The following NCK2 variants were observed in gnomAD, a reference collection of about 807,000 sequenced individuals.
NCK2 encodes the protein NCK adaptor protein 2.
NCK2 carries 16 observed loss-of-function variants against 33.9 expected under a neutral mutation model. The observed-to-expected ratio is 0.47, with a 90% CI of 0.32 to 0.72. The LOEUF (loss-of-function observed/expected upper bound fraction) is 0.72. Among genes scored for constraint, NCK2 ranks in the 30% least tolerant of loss-of-function variants. The probability of loss-of-function intolerance (pLI) is 0.03; values close to 1 mark genes in which losing one functional copy is unlikely to be tolerated. For synonymous variants in NCK2, 273 were observed against 239.9 expected (o/e 1.14, Z -1.27); for missense variants, 418 against 537.3 (o/e 0.78, Z 2.19).
Position 105,881,928 on chromosome 2 carries a change from C to A in NCK2, c.827C>A (p.Ser276Tyr). 1 of 1,561,756 alleles carries A rather than the reference C, an allele frequency of 6.4e-7. No individual in the cohort carries two copies. Among genetic ancestry groups the A allele is most frequent in the Non-Finnish European group, 8.7e-7 (1 of 1,154,974 alleles). The stretch of plus-strand genomic sequence containing the variant: ...CAGATAAGCTACACCGGGCCCTCGT[C>A]CAGCGGGCGCTTCGCGGGCAGAGAG... ...APQISYTGPS[S>Y]SGRFAGREWY... is the part of the protein sequence containing the mutation. The change falls in exon 4 of 5, where the codon TCC becomes TAC. Residue 276 changes from serine (S) to tyrosine (Y), a missense_variant. By Grantham distance (144) the Ser-to-Tyr change is moderately radical. Coordinates refer to ENST00000233154, the MANE Select transcript of NCK2 (RefSeq NM_003581.5).
intron 1 of NCK2, among the ~76,000 whole-genome samples, chr2:105,788,430 G>A (rs566330620): frequency 1.3e-5 from 2 of 152,156 alleles, no homozygotes; most frequent in African/African-American, 4.8e-5. Context: ...CCTCTGGTTT[G>A]TATATTTATA....
intron 3 of NCK2, among the ~76,000 whole-genome samples, chr2:105,878,438 C>T (rs1421158332): frequency 6.6e-6 from 1 of 152,120 alleles, no homozygotes; most frequent in Non-Finnish European, 1.5e-5. Flanking sequence ...GAGATTGGAA[C>T]ACAAAGAAAA....
chr2:105,868,136 T>C (rs1677835703), intron 3 of NCK2, among the ~76,000 whole-genome samples: 1 of 152,228 alleles, frequency 6.6e-6, no homozygotes, highest in South Asian at 2.1e-4. Context: ...ACGTGCTGCC[T>C]TGGTGTAACC....
At chr2:105,844,736 G>A (rs1676786528) in intron 2 of NCK2, among the ~76,000 whole-genome samples, 1 of 91,074 alleles carries the variant, frequency 1.1e-5, no homozygotes, top group African/African-American at 4.6e-5. Context: ...CTCTGTCTTG[G>A]GGCGGGGGGG....
intron 1 of NCK2, among the ~76,000 whole-genome samples, chr2:105,752,734 C>T (rs1466961357): frequency 6.6e-6 from 1 of 152,204 alleles, no homozygotes; most frequent in Non-Finnish European, 1.5e-5. Context: ...TGGATAATGG[C>T]CTCCAGTTCC....
chr2:105,865,539 C>T (rs922081968), intron 3 of NCK2, among the ~76,000 whole-genome samples: 1 of 152,168 alleles, frequency 6.6e-6, no homozygotes, highest in African/African-American at 2.4e-5. Context: ...ATTTGCTGCC[C>T]TTGCGCTAGC....
At chr2:105,862,302 C>A (rs117933494) in intron 3 of NCK2, among the ~76,000 whole-genome samples, 2,431 of 151,952 alleles carry the variant, frequency 0.016, 37 homozygotes, top group Non-Finnish European at 0.02. Context: ...ATCAAAAGAC[C>A]CAGGTTAGTC....
At chr2:105,825,662 T>C (rs1675909569) in intron 2 of NCK2, among the ~76,000 whole-genome samples, 1 of 152,180 alleles carries the variant, frequency 6.6e-6, no homozygotes, top group Admixed American at 6.5e-5. Flanking sequence ...TTTCTCTTGT[T>C]TTATTAGAGA....
chr2:105,865,798 A>G lies in NCK2; in HGVS notation c.226+10509A>G, dbSNP rs566552854. Reference sequence around the variant, plus strand: ...GCATCTTTGTCATCAGTTTCTTTGTATGGCACAGTTTTCTGCAAACAGATA... The same window carrying G: ...GCATCTTTGTCATCAGTTTCTTTGTGTGGCACAGTTTTCTGCAAACAGATA... On this transcript the variant is annotated intron_variant, in intron 3 of 4. Coordinates refer to ENST00000233154, the MANE Select transcript of NCK2 (RefSeq NM_003581.5). Among the ~76,000 whole-genome samples, 265 of 152,258 alleles carry G rather than the reference A, an allele frequency of 1.7e-3. 2 individuals carry two copies. The highest frequency in any genetic ancestry group is 5.4e-3 in the African/African-American group (225 of 41,568).
intron 1 of NCK2, among the ~76,000 whole-genome samples, chr2:105,800,751 G>A (rs1018108609): frequency 1.8e-4 from 28 of 152,306 alleles, no homozygotes; most frequent in African/African-American, 6.5e-4. Flanking sequence ...TCTGTGTTTT[G>A]TTTTGTTTGT....
At chr2:105,814,635 A>G (rs748051937) in intron 1 of NCK2, among the ~76,000 whole-genome samples, 6 of 152,130 alleles carry the variant, frequency 3.9e-5, no homozygotes, top group Non-Finnish European at 8.8e-5. Context: ...GAGATGTGCA[A>G]AGCCCACTCA....
chr2:105,865,757 G>A (rs1384006645), intron 3 of NCK2, among the ~76,000 whole-genome samples: 3 of 152,086 alleles, frequency 2.0e-5, no homozygotes, highest in South Asian at 2.1e-4. Context: ...TGCCGCTGCC[G>A]CATGAGTCAT....
At chr2:105,858,047 GT>G (rs373529013) in intron 3 of NCK2, among the ~76,000 whole-genome samples, 2,418 of 128,714 alleles carry the variant, frequency 0.019, 35 homozygotes, top group Non-Finnish European at 0.023. Context: ...GTTTTTTGGG[GT>G]TTTTTTTTTG....
intron 4 of NCK2, among the ~76,000 whole-genome samples, chr2:105,883,651 A>G (rs533854875): frequency 6.6e-6 from 1 of 152,280 alleles, no homozygotes; most frequent in South Asian, 2.1e-4. Flanking sequence ...TTGCTGTCTG[A>G]ATTCAGGGAC....
At chr2:105,783,887 A>G (rs1690583467) in intron 1 of NCK2, among the ~76,000 whole-genome samples, 1 of 152,182 alleles carries the variant, frequency 6.6e-6, no homozygotes, top group Non-Finnish European at 1.5e-5. Context: ...ACTGCCTTGT[A>G]GCAATCTGAA....
At chr2:105,770,495 G>A (rs1002409266) in intron 1 of NCK2, among the ~76,000 whole-genome samples, 11 of 152,188 alleles carry the variant, frequency 7.2e-5, no homozygotes, top group Admixed American at 6.5e-5. Flanking sequence ...GTGTGTATGC[G>A]AATGTGTGTT....
At chr2:105,863,875 A>T (rs1048042455) in intron 3 of NCK2, among the ~76,000 whole-genome samples, 1 of 152,164 alleles carries the variant, frequency 6.6e-6, no homozygotes, top group African/African-American at 2.4e-5. Flanking sequence ...CGTCGTCTGT[A>T]TAACGGGATA....
chr2:105,746,292 A>T (rs1163197844), intron 1 of NCK2, among the ~76,000 whole-genome samples: 1 of 152,224 alleles, frequency 6.6e-6, no homozygotes, highest in Admixed American at 6.5e-5. Context: ...CGACCCAGAA[A>T]GAAACAACCC....
At chr2:105,892,912 A>C in intron 4 of NCK2, 70 bp from the exon 5 acceptor site, 1 of 1,304,940 alleles carries the variant, frequency 7.7e-7, no homozygotes, top group Non-Finnish European at 1.1e-6. Context: ...GACGCACAAG[A>C]GATGTGGATG....
Sources: allele counts gnomAD v4.1 joint callset (sites outside exome capture counted in the v4.1 genomes callset), GRCh38; gene constraint gnomAD v4.1.1; transcripts MANE v1.5; gene names NCBI Gene and HGNC (gene_info 2026-07-23, HGNC 2026-07-21).